SIPA1L2: variants seen among roughly 807,000 people sequenced by gnomAD.
The protein encoded by SIPA1L2 is signal-induced proliferation-associated 1-like protein 2.
In SIPA1L2, 56 loss-of-function variants were observed where a neutral mutation model predicts 163.9. That is an observed-to-expected ratio of 0.34 (90% confidence interval 0.28 to 0.43). The LOEUF (loss-of-function observed/expected upper bound fraction) is 0.43. Among genes scored for constraint, SIPA1L2 ranks in the 20% least tolerant of loss-of-function variants. The pLI is 1.00. For missense variants in SIPA1L2, 1,974 were observed against 2,193.5 expected, an observed-to-expected ratio of 0.90 and a Z score of 2.00; for synonymous variants, 877 against 865.7, an observed-to-expected ratio of 1.01 and a Z score of -0.23.
intron 6 of SIPA1L2, among the ~76,000 whole-genome samples, chr1:232,480,191 G>GTGTGTT (rs1491507536): frequency 1.2e-5 from 1 of 84,258 alleles, no homozygotes; most frequent in African/African-American, 4.4e-5. Context: ...GTGTGTGTGT[G>GTGTGTT]TTTTTACAGT....
At chr1:232,593,912 T>C (rs1661099750) in intron 1 of SIPA1L2, among the ~76,000 whole-genome samples, 2 of 152,110 alleles carry the variant, frequency 1.3e-5, no homozygotes, top group Admixed American at 6.5e-5. Flanking sequence ...GCAGGCACAG[T>C]CTAAATGGCC....
intron 10 of SIPA1L2, among the ~76,000 whole-genome samples, chr1:232,455,537 C>T (rs963188558): frequency 2.6e-5 from 4 of 151,876 alleles, no homozygotes; most frequent in South Asian, 2.1e-4. Context: ...AAACATTAGC[C>T]GGGCGTGGTG....
intron 2 of SIPA1L2, among the ~76,000 whole-genome samples, chr1:232,538,899 GA>G (rs1657473182): frequency 1.3e-5 from 2 of 152,272 alleles, no homozygotes; most frequent in South Asian, 4.1e-4. Context: ...AGCGTATATA[GA>G]ATATCATGTT....
chr1:232,412,228 T>A (rs1351712446), intron 19 of SIPA1L2, among the ~76,000 whole-genome samples: 1 of 152,076 alleles, frequency 6.6e-6, no homozygotes, highest in African/African-American at 2.4e-5. Context: ...ATAAACGAGG[T>A]AGACTAATGG....
At chr1:232,460,147 C>A (rs1288254518) in intron 10 of SIPA1L2, among the ~76,000 whole-genome samples, 1 of 152,204 alleles carries the variant, frequency 6.6e-6, no homozygotes, top group East Asian at 1.9e-4. Flanking sequence ...GGGCCACAGC[C>A]TCAATAAACG....
intron 1 of SIPA1L2, among the ~76,000 whole-genome samples, chr1:232,616,901 T>G (rs1460441659): frequency 6.6e-6 from 1 of 152,176 alleles, no homozygotes; most frequent in Non-Finnish European, 1.5e-5. Context: ...AGAATTTTAT[T>G]TTTAGGTCAA....
intron 9 of SIPA1L2, 107 bp from the exon 10 acceptor site, chr1:232,461,268 C>T: frequency 2.9e-6 from 4 of 1,386,660 alleles, no homozygotes; most frequent in Non-Finnish European, 4.0e-6. Flanking sequence ...CCCTTGGGCC[C>T]TCGCAGCCCA....
At chr1:232,592,174 C>T (rs1661003481) in intron 1 of SIPA1L2, among the ~76,000 whole-genome samples, 3 of 152,246 alleles carry the variant, frequency 2.0e-5, no homozygotes, top group African/African-American at 7.2e-5. Context: ...TACACACACA[C>T]ACTTACTTAG....
intron 10 of SIPA1L2, among the ~76,000 whole-genome samples, chr1:232,458,885 C>T (rs1251726350): frequency 6.6e-6 from 1 of 152,142 alleles, no homozygotes; most frequent in Non-Finnish European, 1.5e-5. Context: ...CATAGCAGTA[C>T]ATGTGATTCA....
At chr1:232,579,597 C>G (rs1047757254) in intron 1 of SIPA1L2, among the ~76,000 whole-genome samples, 2 of 152,154 alleles carry the variant, frequency 1.3e-5, no homozygotes, top group Non-Finnish European at 2.9e-5. Flanking sequence ...TAGGTTGAAC[C>G]ATATGAAACC....
At chr1:232,423,740 G>T (rs1661713626) in intron 18 of SIPA1L2, among the ~76,000 whole-genome samples, 1 of 152,172 alleles carries the variant, frequency 6.6e-6, no homozygotes, top group Non-Finnish European at 1.5e-5. Flanking sequence ...AAAGGATACA[G>T]TTCTCCAGTA....
intron 1 of SIPA1L2, among the ~76,000 whole-genome samples, chr1:232,610,650 C>T (rs1051934368): frequency 3.9e-5 from 6 of 152,162 alleles, no homozygotes; most frequent in Non-Finnish European, 7.4e-5. Flanking sequence ...TCAGCAATGA[C>T]GAACTCAGGC....
chr1:232,460,965 T>C lies in SIPA1L2; in HGVS notation c.3017A>G (p.Gln1006Arg). ...KVAVATLTHE[Q>R]MIDLLRTSVT... ...AGAAGTACGGAGCAGGTCGATCATC[T>C]GCTCGTGGGTCAGAGTGGCCACGGC... Residue 1006 changes from glutamine to arginine, a missense_variant, in exon 10 of 23, where the codon CAG becomes CGG. By Grantham distance (43) the Gln-to-Arg change is conservative. This residue lies in a region of SIPA1L2 where 1,079 missense variants were observed against 1,150.7 expected (regional missense o/e 0.94). Coordinates refer to ENST00000674635, the MANE Select transcript of SIPA1L2 (RefSeq NM_020808.5). 6.2e-7 allele frequency: 1 copy of C among 1,614,272 alleles called. No individual in the cohort carries two copies. Among genetic ancestry groups the C allele is most frequent in the Non-Finnish European group, 8.5e-7 (1 of 1,180,048 alleles).
At chr1:232,618,586 G>A (rs12118318) in intron 1 of SIPA1L2, among the ~76,000 whole-genome samples, 13,580 of 151,430 alleles carry the variant, frequency 0.09, 792 homozygotes, top group Non-Finnish European at 0.13. Context: ...CCCAAGAGTC[G>A]GAGGTTGCAG....
chr1:232,509,206 A>C (rs554771971), intron 3 of SIPA1L2, among the ~76,000 whole-genome samples: 1 of 152,374 alleles, frequency 6.6e-6, no homozygotes, highest in Non-Finnish European at 1.5e-5. Flanking sequence ...CCTTTCACAA[A>C]GTTATTCAAC....
intron 3 of SIPA1L2, among the ~76,000 whole-genome samples, chr1:232,500,069 C>A (rs1469914098): frequency 1.3e-5 from 2 of 152,178 alleles, no homozygotes; most frequent in African/African-American, 4.8e-5. Flanking sequence ...ACTCCACCTC[C>A]CGGGCTGACG....
Position 232,630,070 on chromosome 1 carries a change from G to A in SIPA1L2, c.-520C>T, listed in dbSNP as rs1174594064. Among the ~76,000 whole-genome samples, 3 of 150,378 alleles carry A rather than the reference G, an allele frequency of 2.0e-5. No individual in the cohort carries two copies. The East Asian group carries it at 5.9e-4, about 30-fold the overall frequency. On this transcript the variant is annotated 5_prime_UTR_variant, in exon 1 of 23. Coordinates refer to ENST00000674635, the MANE Select transcript of SIPA1L2 (RefSeq NM_020808.5). ...CTGCGCTCGGGCGGCCGGCGGGGGC[G>A]CGGTGCTCCTCCTCCGTCCTCCTCC...
chr1:232,484,414 A>G (rs1665541675), intron 5 of SIPA1L2, among the ~76,000 whole-genome samples: 1 of 152,334 alleles, frequency 6.6e-6, no homozygotes, highest in East Asian at 1.9e-4. Context: ...TGAATTTTAT[A>G]TATTTCTTGT....
chr1:232,609,839 AAAAAAAGAAAAAG>A (rs1662149592), intron 1 of SIPA1L2, among the ~76,000 whole-genome samples: 1 of 151,814 alleles, frequency 6.6e-6, no homozygotes, highest in African/African-American at 2.4e-5. Context: ...CAAAAAAAAA[AAAAAAAGAAAAAG>A]AAAAAAGAAA....
Sources: gnomAD v4.1 joint callset for allele counts (sites outside exome capture counted in the v4.1 genomes callset) on GRCh38, gnomAD v4.1.1 for gene constraint, gnomAD v4.1.1 regional missense constraint, MANE v1.5 for transcripts, NCBI Gene and HGNC (gene_info 2026-07-23, HGNC 2026-07-21) for gene names.